PCNX1: variants seen among roughly 807,000 people sequenced by gnomAD.
PCNX1 encodes the protein pecanex-like protein 1.
PCNX1 carries 78 observed loss-of-function variants against 242.2 expected under a neutral mutation model. The ratio of observed to expected loss-of-function variants is 0.32; its 90% CI spans 0.27 to 0.39. The LOEUF is 0.39. PCNX1 is among the 10% of genes least tolerant of loss of function. The probability of loss-of-function intolerance (pLI) is 1.00; values close to 1 mark genes in which losing one functional copy is unlikely to be tolerated. For missense variants in PCNX1, 2,581 were observed against 2,856.5 expected (o/e 0.90, Z 2.20); for synonymous variants, 1,024 against 1,032.9 (o/e 0.99, Z 0.17).
rs56362741 is a variant in PCNX1 at position 70,958,898 on chromosome 14, C to CTTTTTT, written c.363-3307_363-3302dup. ...GGTTCACCTGAAGAATTTGGGGTTG[C>CTTTTTT]TTTTTTTTTTTTTTTTTTTTTTTTT... On this transcript the variant is annotated intron_variant, in intron 2 of 35. Coordinates refer to ENST00000304743, the MANE Select transcript of PCNX1 (RefSeq NM_014982.3). Among the ~76,000 whole-genome samples, 32 of 66,400 alleles carry CTTTTTT rather than the reference C, an allele frequency of 4.8e-4. 5 individuals carry two copies. Among genetic ancestry groups the CTTTTTT allele is most frequent in the Non-Finnish European group, 5.8e-4 (23 of 39,400 alleles). The allele number at this position is 66,400 out of a possible 152,430, so 43.6% of individuals were successfully genotyped here.
At position 71,076,190 on chromosome 14, in the gene PCNX1, G is replaced by C. The variant is rs2061714718; in HGVS notation, c.5108G>C (p.Gly1703Ala). 7.0e-6 allele frequency: 11 copies of C among 1,570,142 alleles called. No individual in the cohort carries two copies. Among genetic ancestry groups the C allele is most frequent in the Non-Finnish European group, 9.6e-6 (11 of 1,140,698 alleles). Residue 1703 changes from glycine to alanine, a missense_variant and splice_region_variant, in exon 28 of 36, where the codon GGT (glycine) becomes GCT (alanine). By Grantham distance (60) the Gly-to-Ala change is moderately conservative. Around this residue, in one of 9 missense-constraint regions of PCNX1, gnomAD observed 298 missense variants for 480.1 expected, o/e 0.62. Coordinates refer to ENST00000304743, the MANE Select transcript of PCNX1 (RefSeq NM_014982.3). ...TTTTTTTTGTCTTGTTCATGTTAGGGTATCATTTATTATGTTACGACCTCG... is the reference window on the plus strand; with the variant it reads ...TTTTTTTTGTCTTGTTCATGTTAGGCTATCATTTATTATGTTACGACCTCG... ...RKVLTTYYVK[G>A]IIYYVTTSSK...
intron 12 of PCNX1, among the ~76,000 whole-genome samples, chr14:71,021,518 C>G (rs1340124387): frequency 2.6e-5 from 4 of 152,162 alleles, no homozygotes; most frequent in Non-Finnish European, 5.9e-5. Context: ...TTACTAACAG[C>G]TGTCCATCCT....
At chr14:71,003,497 G>C (rs1006549027) in intron 8 of PCNX1, among the ~76,000 whole-genome samples, 1 of 152,062 alleles carries the variant, frequency 6.6e-6, no homozygotes, top group Non-Finnish European at 1.5e-5. Context: ...TCTGTGGCTT[G>C]TCTTTTTGTT....
chr14:71,002,918 G>T (rs985310129), intron 8 of PCNX1, among the ~76,000 whole-genome samples: 1 of 152,022 alleles, frequency 6.6e-6, no homozygotes, highest in African/African-American at 2.4e-5. Context: ...GACATAATGG[G>T]TATAGAATGG....
chr14:71,003,833 TCTTCTAAACCAGA>T (rs752925854), intron 8 of PCNX1, among the ~76,000 whole-genome samples: 27 of 152,238 alleles, frequency 1.8e-4, no homozygotes, highest in Non-Finnish European at 4.0e-4. Context: ...CCCAAAGCTG[TCTTCTAAACCAGA>T]CTTTCTTCTT....
chr14:71,099,155 TTTGA>T lies in PCNX1; in HGVS notation c.5590-2832_5590-2829del, dbSNP rs1421434435. 3.4e-3 allele frequency among the ~76,000 whole-genome samples: 491 copies of T among 143,142 alleles called. 1 individual carries two copies. The highest frequency in any genetic ancestry group is 0.012 in the African/African-American group (476 of 39,498). The allele number at this position is 143,142 out of a possible 152,430, so 93.9% of individuals were successfully genotyped here. On this transcript the variant is annotated intron_variant, in intron 30 of 35. Transcript: ENST00000304743. ...GGTCCAAGAGTATGGTTACTATTATTTTGATTTTTTTTTTTTTTTTTGAGACGGA... is the reference window on the plus strand; with the variant it reads ...GGTCCAAGAGTATGGTTACTATTATTTTTTTTTTTTTTTTTTTGAGACGGA...
intron 8 of PCNX1, among the ~76,000 whole-genome samples, chr14:70,996,455 A>G (rs1166872570): frequency 6.6e-6 from 1 of 152,158 alleles, no homozygotes; most frequent in Non-Finnish European, 1.5e-5. Flanking sequence ...TCACATAATA[A>G]CTTTATAAAG....
intron 5 of PCNX1, among the ~76,000 whole-genome samples, chr14:70,974,987 A>G (rs543069359): frequency 6.6e-6 from 1 of 152,326 alleles, no homozygotes; most frequent in South Asian, 2.1e-4. Context: ...AAAAAAGTGC[A>G]TGTATTAAAG....
chr14:70,999,681 A>G (rs943400367), intron 8 of PCNX1, among the ~76,000 whole-genome samples: 9 of 152,172 alleles, frequency 5.9e-5, no homozygotes, highest in African/African-American at 2.2e-4. Flanking sequence ...TTAACTTGAA[A>G]ATGTAGTTGG....
chr14:71,023,287 AT>A, intron 13 of PCNX1, 55 bp downstream of exon 13: 1 of 1,339,560 alleles, frequency 7.5e-7, no homozygotes, highest in South Asian at 1.2e-5. Context: ...TTATCATAAT[AT>A]TTGTGGTTTG....
chr14:70,983,697 T>C (rs1308769274), intron 6 of PCNX1, among the ~76,000 whole-genome samples: 1 of 151,620 alleles, frequency 6.6e-6, no homozygotes, highest in Non-Finnish European at 1.5e-5. Context: ...GAAATTATTT[T>C]AATTCAGAAT....
At chr14:70,923,048 A>G (rs567187343) in intron 1 of PCNX1, among the ~76,000 whole-genome samples, 11 of 152,164 alleles carry the variant, frequency 7.2e-5, no homozygotes, top group South Asian at 2.1e-4. Context: ...GTTTTAATCT[A>G]TGTTTCCTTA....
intron 11 of PCNX1, among the ~76,000 whole-genome samples, chr14:71,014,300 T>G (rs182606193): frequency 7.5e-4 from 114 of 152,202 alleles, no homozygotes; most frequent in South Asian, 4.6e-3. Flanking sequence ...CTAAGAAGAT[T>G]TATGGAAATC....
chr14:70,929,211 C>T (rs535828277), intron 1 of PCNX1, among the ~76,000 whole-genome samples: 7 of 151,486 alleles, frequency 4.6e-5, no homozygotes, highest in Non-Finnish European at 1.0e-4. Flanking sequence ...TTTGGAAACT[C>T]GGGGAAAGCT....
At chr14:70,989,684 C>T (rs2059105241) in intron 7 of PCNX1, among the ~76,000 whole-genome samples, 1 of 151,972 alleles carries the variant, frequency 6.6e-6, no homozygotes, top group South Asian at 2.1e-4. Flanking sequence ...TGCATACCAC[C>T]CTGCCTGGCT....
At chr14:70,958,367 A>T (rs2058071006) in intron 2 of PCNX1, among the ~76,000 whole-genome samples, 1 of 152,230 alleles carries the variant, frequency 6.6e-6, no homozygotes, top group Admixed American at 6.5e-5. Flanking sequence ...TCAAACTGCT[A>T]TAATGTTAAA....
intron 18 of PCNX1, among the ~76,000 whole-genome samples, chr14:71,035,532 C>T (rs74770145): frequency 0.031 from 4,722 of 151,406 alleles, 177 homozygotes; most frequent in African/African-American, 0.11. Context: ...CCAAGATGGG[C>T]GTATATCACT....
chr14:70,926,013 C>G (rs562742782), intron 1 of PCNX1, among the ~76,000 whole-genome samples: 1 of 152,092 alleles, frequency 6.6e-6, no homozygotes, highest in African/African-American at 2.4e-5. Context: ...CAGTGTATTC[C>G]GGGATCCAAA....
intron 8 of PCNX1, among the ~76,000 whole-genome samples, chr14:71,002,498 C>A (rs1261573704): frequency 6.6e-6 from 1 of 152,190 alleles, no homozygotes; most frequent in Non-Finnish European, 1.5e-5. Flanking sequence ...TCAAAAAATT[C>A]TCTGTGCCTT....
Sources: allele counts gnomAD v4.1 joint callset (sites outside exome capture counted in the v4.1 genomes callset), GRCh38; gene constraint gnomAD v4.1.1; regional missense constraint gnomAD v4.1.1; transcripts MANE v1.5; gene names NCBI Gene and HGNC (gene_info 2026-07-23, HGNC 2026-07-21).